Variants in EPHB1 observed in about 807,000 individuals in gnomAD.
EPHB1 encodes ephrin type-B receptor 1.
In EPHB1, 30 loss-of-function variants were observed where a neutral mutation model predicts 94.4. The ratio of observed to expected loss-of-function variants is 0.32; its 90% CI spans 0.24 to 0.43. EPHB1 has a LOEUF of 0.43. EPHB1 is among the 20% of genes least tolerant of loss of function. EPHB1 has a pLI of 1.00. For missense variants in EPHB1, 1,055 were observed against 1,308.3 expected (o/e 0.81, Z 2.99); for synonymous variants, 522 against 489.1 (o/e 1.07, Z -0.89).
intron 2 of EPHB1, among the ~76,000 whole-genome samples, chr3:134,948,989 G>A (rs1932904679): frequency 6.6e-6 from 1 of 152,232 alleles, no homozygotes; most frequent in African/African-American, 2.4e-5. Flanking sequence ...GGGAGACAGA[G>A]TTGTGAGTTT....
chr3:134,946,339 C>T (rs1041351050), intron 2 of EPHB1, among the ~76,000 whole-genome samples: 14 of 152,214 alleles, frequency 9.2e-5, no homozygotes, highest in African/African-American at 3.4e-4. Flanking sequence ...CAACTGGATT[C>T]ATCTTCCTCT....
At position 135,132,915 on chromosome 3, in the gene EPHB1, A is replaced by G. The variant is rs760694539; in HGVS notation, c.1163A>G (p.Glu388Gly). 1.9e-6 allele frequency: 3 copies of G among 1,614,024 alleles called. No homozygotes were observed. Among genetic ancestry groups the G allele is most frequent in the Non-Finnish European group, 2.5e-6 (3 of 1,179,898 alleles). Residue 388 changes from glutamate to glycine, a missense_variant, in exon 5 of 16, where the codon GAG becomes GGG. Glu to Gly is a moderately conservative substitution (Grantham distance 98, BLOSUM62 -2). Transcript: ENST00000398015. Reference sequence around the variant, plus strand: ...GTGCCCAGGCAGCTGGGCCTGACGGAGTGCCGCGTCTCCATCAGCAGCCTG... The same window carrying G: ...GTGCCCAGGCAGCTGGGCCTGACGGGGTGCCGCGTCTCCATCAGCAGCCTG... ...EFVPRQLGLT[E>G]CRVSISSLWA...
intron 3 of EPHB1, among the ~76,000 whole-genome samples, chr3:134,993,213 A>AAC (rs2107738894): frequency 6.6e-6 from 1 of 152,332 alleles, no homozygotes; most frequent in East Asian, 1.9e-4. Context: ...CCTGCTGCCA[A>AAC]AGCAAGGCCT....
chr3:134,798,703 C>T (rs1001374525), intron 1 of EPHB1, among the ~76,000 whole-genome samples: 2 of 152,208 alleles, frequency 1.3e-5, no homozygotes, highest in African/African-American at 4.8e-5. Flanking sequence ...TGCCTTTTCC[C>T]ACCTGCTCTG....
intron 3 of EPHB1, among the ~76,000 whole-genome samples, chr3:134,993,972 T>G (rs1456949564): frequency 6.6e-6 from 1 of 152,198 alleles, no homozygotes; most frequent in East Asian, 1.9e-4. Flanking sequence ...TTCTATTCAT[T>G]TGGATTTCTT....
chr3:135,187,371 T>C (rs1025589583), intron 10 of EPHB1, among the ~76,000 whole-genome samples: 1 of 152,202 alleles, frequency 6.6e-6, no homozygotes, highest in African/African-American at 2.4e-5. Flanking sequence ...GAATTTTTAT[T>C]AAAAATGAAA....
chr3:135,148,759 T>C (rs1171506503), intron 5 of EPHB1, among the ~76,000 whole-genome samples: 1 of 152,186 alleles, frequency 6.6e-6, no homozygotes, highest in East Asian at 1.9e-4. Flanking sequence ...GAGTAAGTTT[T>C]CCCCAAAGTC....
chr3:134,985,589 A>G (rs1223844616), intron 3 of EPHB1, among the ~76,000 whole-genome samples: 2 of 152,214 alleles, frequency 1.3e-5, no homozygotes, highest in Non-Finnish European at 2.9e-5. Flanking sequence ...CTACTCTACC[A>G]CTGGCTACTT....
At chr3:135,018,941 A>G (rs1311821400) in intron 3 of EPHB1, among the ~76,000 whole-genome samples, 1 of 152,176 alleles carries the variant, frequency 6.6e-6, no homozygotes, top group Non-Finnish European at 1.5e-5. Context: ...GAGAGATAGG[A>G]ATTCTAAGCT....
At chr3:134,816,208 G>A (rs764894789) in intron 1 of EPHB1, among the ~76,000 whole-genome samples, 2 of 150,806 alleles carry the variant, frequency 1.3e-5, no homozygotes, top group East Asian at 2.0e-4. Context: ...TCAGCCTCCC[G>A]AGTAGCTGGG....
At chr3:135,149,569 G>C (rs188156418) in intron 5 of EPHB1, among the ~76,000 whole-genome samples, 322 of 152,346 alleles carry the variant, frequency 2.1e-3, no homozygotes, top group Non-Finnish European at 3.0e-3. Flanking sequence ...AACAGATCAA[G>C]AGGTGACATT....
intron 3 of EPHB1, among the ~76,000 whole-genome samples, chr3:135,042,747 A>G (rs1346347226): frequency 4.6e-5 from 7 of 152,232 alleles, no homozygotes; most frequent in Admixed American, 1.3e-4. Flanking sequence ...TGGTCTGTCC[A>G]AACAGCAAGC....
At chr3:135,169,760 C>T (rs1342100079) in intron 9 of EPHB1, among the ~76,000 whole-genome samples, 2 of 152,152 alleles carry the variant, frequency 1.3e-5, no homozygotes, top group Non-Finnish European at 2.9e-5. Flanking sequence ...TTCACAACCA[C>T]TCTAAGAGAA....
At chr3:134,979,567 A>G (rs1576290920) in intron 3 of EPHB1, among the ~76,000 whole-genome samples, 1 of 152,240 alleles carries the variant, frequency 6.6e-6, no homozygotes, top group East Asian at 1.9e-4. Context: ...TGCTTTTTAA[A>G]CAATCTTATA....
At chr3:135,234,572 T>C (rs1318157290) in intron 12 of EPHB1, among the ~76,000 whole-genome samples, 1 of 152,238 alleles carries the variant, frequency 6.6e-6, no homozygotes, top group Non-Finnish European at 1.5e-5. Flanking sequence ...TGTATTAGTC[T>C]GTTCTCACAC....
At chr3:134,919,994 T>C (rs36193) in intron 1 of EPHB1, among the ~76,000 whole-genome samples, 61,010 of 151,770 alleles carry the variant, frequency 0.4, 14,795 homozygotes, top group African/African-American at 0.65. Flanking sequence ...GCTCCATACA[T>C]CTGCCATTTT....
At chr3:134,969,038 C>A (rs556233860) in intron 3 of EPHB1, among the ~76,000 whole-genome samples, 11 of 152,298 alleles carry the variant, frequency 7.2e-5, no homozygotes, top group African/African-American at 2.6e-4. Context: ...GGCAAATACC[C>A]AGGCAAGCTC....
chr3:135,253,234 A>G (rs2107733728), intron 15 of EPHB1, among the ~76,000 whole-genome samples: 1 of 151,216 alleles, frequency 6.6e-6, no homozygotes, highest in African/African-American at 2.4e-5. Context: ...CCATTTGTCA[A>G]TTTTGGCTTT....
chr3:135,043,054 C>T (rs1015268600), intron 3 of EPHB1, among the ~76,000 whole-genome samples: 1 of 151,930 alleles, frequency 6.6e-6, no homozygotes, highest in Non-Finnish European at 1.5e-5. Context: ...ATTGCTATGG[C>T]TAGTCTTGAA....
Sources: gnomAD v4.1 joint callset for allele counts (sites outside exome capture counted in the v4.1 genomes callset) on GRCh38, gnomAD v4.1.1 for gene constraint, MANE v1.5 for transcripts, NCBI Gene and HGNC (gene_info 2026-07-23, HGNC 2026-07-21) for gene names.